Variants in LRCH3 observed in about 807,000 individuals in gnomAD.
LRCH3 encodes DISP complex protein LRCH3.
In LRCH3, 68 loss-of-function variants were observed where a neutral mutation model predicts 104.5. That is an observed-to-expected ratio of 0.65 (90% confidence interval 0.54 to 0.80). The LOEUF is 0.80. Ranked by LOEUF, LRCH3 falls within the 30% of genes least tolerant of loss-of-function variation. LRCH3 has a pLI of 0.00. For missense variants in LRCH3, 951 were observed against 953.9 expected (o/e 1.00, Z 0.04); for synonymous variants, 344 against 361.3 (o/e 0.95, Z 0.54).
chr3:197,871,426 A>C lies in LRCH3; in HGVS notation c.2094A>C (p.Arg698=), dbSNP rs1712180711. 6.2e-7 allele frequency: 1 copy of C among 1,614,094 alleles called. No homozygotes were observed. The highest frequency in any genetic ancestry group is 8.5e-7 in the Non-Finnish European group (1 of 1,180,006). ...ATTTGGCCAATCATGTGCGACCTCG[A>C]TCTGTCCCAAGCATTCATGTTCCCT... ...LCHLANHVRP[R]SVPSIHVPSP... The change falls in exon 19 of 21, where the codon CGA becomes CGC. Residue 698 remains arginine, a synonymous_variant. Transcript: ENST00000425562.
chr3:197,791,234 C>G (rs774229320), upstream of LRCH3: 1 of 1,592,852 alleles, frequency 6.3e-7, no homozygotes, highest in Non-Finnish European at 8.5e-7. Context: ...GCGGTCCGGC[C>G]GCGCATGCGC....
chr3:197,866,718 G>C (rs1228960788), intron 17 of LRCH3, among the ~76,000 whole-genome samples: 1 of 152,170 alleles, frequency 6.6e-6, no homozygotes, highest in Non-Finnish European at 1.5e-5. Flanking sequence ...TACTTGGGAA[G>C]CTGGCGGGGA....
rs1374161511 is a variant in LRCH3 at position 197,797,884 on chromosome 3, A to C, written c.262+6344A>C. Among the ~76,000 whole-genome samples the C allele has an allele frequency of 4.4e-3, 560 of 127,584 alleles. 4 individuals are homozygous for C. Among genetic ancestry groups the C allele is most frequent in the African/African-American group, 0.018 (525 of 28,916 alleles). The allele number at this position is 127,584 out of a possible 152,430, so 83.7% of individuals were successfully genotyped here. ...CAAAAAAAAAAAAAACAAAAAAAAC[A>C]AAAAAAAAAACAAAACCAGAAAAAT... On this transcript the variant is annotated intron_variant, in intron 1 of 20. Transcript: ENST00000425562.
intron 19 of LRCH3, among the ~76,000 whole-genome samples, chr3:197,873,474 C>T (rs1370040217): frequency 6.6e-6 from 1 of 152,088 alleles, no homozygotes; most frequent in African/African-American, 2.4e-5. Flanking sequence ...CACTTGTGAG[C>T]TCCCTGTGGG....
chr3:197,867,482 C>T (rs1020049457), intron 17 of LRCH3, among the ~76,000 whole-genome samples: 5 of 151,058 alleles, frequency 3.3e-5, no homozygotes, highest in South Asian at 4.2e-4. Flanking sequence ...TTTGGGAGGC[C>T]GAGGTAGATG....
At chr3:197,869,962 G>A (rs555771464) in intron 17 of LRCH3, among the ~76,000 whole-genome samples, 198 bp from the exon 18 acceptor site, 2 of 150,904 alleles carry the variant, frequency 1.3e-5, no homozygotes, top group East Asian at 3.9e-4. Context: ...CCCGCAGGAG[G>A]TAGAAAGCGA....
chr3:197,842,386 C>T (rs556915483), intron 10 of LRCH3, among the ~76,000 whole-genome samples: 2 of 152,268 alleles, frequency 1.3e-5, no homozygotes, highest in African/African-American at 4.8e-5. Flanking sequence ...CCTAAAAAGA[C>T]ACAGTCGCCT....
intron 20 of LRCH3, chr3:197,881,635 A>G: frequency 1.0e-6 from 1 of 985,480 alleles, no homozygotes; most frequent in Non-Finnish European, 1.2e-6. Context: ...GCTCTTTCAG[A>G]ATGCGTAGCA....
chr3:197,872,519 C>A (rs1580890628), intron 19 of LRCH3, among the ~76,000 whole-genome samples: 1 of 152,056 alleles, frequency 6.6e-6, no homozygotes, highest in East Asian at 1.9e-4. Context: ...TCCTATGAGC[C>A]CAGGAGTTTG....
chr3:197,830,950 A>G (rs1241047610), intron 7 of LRCH3, 87 bp downstream of exon 7: 2 of 1,136,420 alleles, frequency 1.8e-6, no homozygotes, highest in Admixed American at 1.8e-5. Context: ...AACTGGATTC[A>G]GTTTCTCACT....
At chr3:197,818,985 G>A (rs1001214826) in intron 3 of LRCH3, among the ~76,000 whole-genome samples, 4 of 151,960 alleles carry the variant, frequency 2.6e-5, no homozygotes, top group Non-Finnish European at 4.4e-5. Context: ...AATTAGCCAG[G>A]CGTGGTGGCA....
chr3:197,830,064 T>TGCTG (rs1389105793), intron 6 of LRCH3, among the ~76,000 whole-genome samples: 4 of 152,262 alleles, frequency 2.6e-5, no homozygotes, highest in African/African-American at 9.6e-5. Context: ...ACTTTAGCTC[T>TGCTG]GCTGCTGAGG....
In LRCH3 at chr3:197,886,968, C is replaced by A. The variant is rs1714248302; in HGVS notation, c.*3302C>A. 6.6e-6 allele frequency: 1 copy of A among 151,980 alleles called. No homozygotes were observed. Among genetic ancestry groups the A allele is most frequent in the South Asian group, 2.1e-4 (1 of 4,826 alleles). 9.4% of individuals were successfully genotyped at this position (151,980 alleles called of 1,614,324 possible). On this transcript the variant is annotated 3_prime_UTR_variant, in exon 21 of 21. Coordinates refer to ENST00000425562, the MANE Select transcript of LRCH3 (RefSeq NM_001365715.1). ...TTCAAATTTTGCACATATTATGAAA[C>A]CTTATTAATGTATTTTTATCAAACT...
intron 20 of LRCH3, chr3:197,880,808 TC>T (rs1406061197): frequency 2.6e-6 from 4 of 1,520,214 alleles, no homozygotes; most frequent in Non-Finnish European, 3.5e-6. Flanking sequence ...GTGCTTTTTC[TC>T]CCTGCTGGCC....
rs1714142008 is a variant in LRCH3, at chr3:197,885,656, A to G, written c.*1990A>G. ...ATCTCGCTCCACCACAAGCGCCTTT[A>G]TATACTCAATGATGGGTGGAGGAAA... On this transcript the variant is annotated 3_prime_UTR_variant, in exon 21 of 21. Transcript: ENST00000425562. 1 of 152,160 alleles carries G rather than the reference A, an allele frequency of 6.6e-6. No individual in the cohort carries two copies. Among genetic ancestry groups the G allele is most frequent in the Admixed American group, 6.5e-5 (1 of 15,278 alleles). 9.4% of individuals were successfully genotyped at this position (152,160 alleles called of 1,614,324 possible).
rs1353030161 is a variant in LRCH3, at chr3:197,856,572, A to C, written c.1644+2127A>C. ...GGCTAATTTTTTTATTTTTTTGTAG[A>C]GTCAGGGTCTCACTGTGTTGCCCAG... On this transcript the variant is annotated intron_variant, in intron 14 of 20. Transcript: ENST00000425562. The surrounding 1 kb of genome is among the most constrained non-coding windows in gnomAD (Gnocchi z 4.2). Among the ~76,000 whole-genome samples the C allele has an allele frequency of 2.6e-5, 4 of 151,988 alleles. No individual in the cohort carries two copies. The highest frequency in any genetic ancestry group is 6.6e-5 in the Admixed American group (1 of 15,250).
At chr3:197,812,623 T>A (rs1377597595) in intron 1 of LRCH3, among the ~76,000 whole-genome samples, 1 of 151,092 alleles carries the variant, frequency 6.6e-6, no homozygotes, top group Admixed American at 6.6e-5. Context: ...GCTCTGTTTT[T>A]AGTTTTTTGA....
intron 9 of LRCH3, among the ~76,000 whole-genome samples, chr3:197,838,209 C>T (rs558101840): frequency 3.1e-4 from 47 of 152,216 alleles, no homozygotes; most frequent in Non-Finnish European, 4.4e-4. Flanking sequence ...TGCTTGAGCC[C>T]GGCAGTTTGA....
chr3:197,791,699 G>C (rs1486107001), intron 1 of LRCH3, among the ~76,000 whole-genome samples, 159 bp downstream of exon 1: 4 of 152,018 alleles, frequency 2.6e-5, no homozygotes, highest in East Asian at 3.9e-4. Context: ...AGCCCTCCGG[G>C]CCTGCGCCAG....
Sources: gnomAD v4.1 joint callset for allele counts (sites outside exome capture counted in the v4.1 genomes callset) on GRCh38, gnomAD v4.1.1 for gene constraint, Gnocchi (gnomAD v3.1) non-coding constraint, MANE v1.5 for transcripts, NCBI Gene and HGNC (gene_info 2026-07-23, HGNC 2026-07-21) for gene names.